Variants in MAPK10 observed in about 807,000 individuals in gnomAD.
MAPK10 encodes mitogen-activated protein kinase 10.
In MAPK10, 25 loss-of-function variants were observed where a neutral mutation model predicts 59.3. The ratio of observed to expected loss-of-function variants is 0.42; its 90% CI spans 0.31 to 0.59. The LOEUF (loss-of-function observed/expected upper bound fraction) is 0.59, where lower values mean the gene tolerates loss of function less well. MAPK10 is among the 20% of genes least tolerant of loss of function. The pLI, the probability that MAPK10 is intolerant of heterozygous loss-of-function variation, is 0.15. For synonymous variants in MAPK10, 190 were observed against 200.5 expected, an observed-to-expected ratio of 0.95 and a Z score of 0.44; for missense variants, 351 against 568.9, an observed-to-expected ratio of 0.62 and a Z score of 3.90.
At position 86,026,078 on chromosome 4, in the gene MAPK10, G is replaced by GA. The variant is rs568393792; in HGVS notation, c.1252+3118dup. On this transcript the variant is annotated intron_variant, in intron 13 of 13. Transcript: ENST00000641462. The stretch of plus-strand genomic sequence containing the variant: ...GGTGGGGAATGTGGTCCTCACTGGG[G>GA]AGAGAATGGTTGCATATTAAAATCA... 3.3e-5 allele frequency among the ~76,000 whole-genome samples: 5 copies of GA among 152,328 alleles called. 1 individual carries two copies. In the South Asian group the frequency reaches 1.0e-3, roughly 32 times the overall value.
At chr4:86,061,206 C>G (rs1003659279) in intron 11 of MAPK10, among the ~76,000 whole-genome samples, 1 of 152,268 alleles carries the variant, frequency 6.6e-6, no homozygotes, top group South Asian at 2.1e-4. Context: ...CCTAACTCAT[C>G]TTTCATACCT....
chr4:86,242,294 G>A (rs897171931), intron 2 of MAPK10, among the ~76,000 whole-genome samples: 4 of 152,146 alleles, frequency 2.6e-5, no homozygotes, highest in Non-Finnish European at 5.9e-5. Flanking sequence ...CCCATATAGA[G>A]TGTCTGACAA....
At chr4:86,118,472 T>TA (rs2058640205) in intron 4 of MAPK10, among the ~76,000 whole-genome samples, 1 of 152,118 alleles carries the variant, frequency 6.6e-6, no homozygotes, top group Non-Finnish European at 1.5e-5. Context: ...GGTTTATTCC[T>TA]AAAAGAGTGA....
intron 1 of MAPK10, among the ~76,000 whole-genome samples, chr4:86,582,811 T>C (rs1762393704): frequency 6.6e-6 from 1 of 152,206 alleles, no homozygotes; most frequent in African/African-American, 2.4e-5. Flanking sequence ...TATAAGATTT[T>C]TGCATTTTAG....
chr4:86,452,650 G>A (rs570231523), intron 1 of MAPK10, among the ~76,000 whole-genome samples: 84 of 152,138 alleles, frequency 5.5e-4, no homozygotes, highest in Non-Finnish European at 1.0e-3. Context: ...CCGAGTCAGA[G>A]ATTTTCCTGT....
At chr4:86,251,455 T>A (rs1238179449) in intron 2 of MAPK10, among the ~76,000 whole-genome samples, 1 of 145,920 alleles carries the variant, frequency 6.9e-6, no homozygotes, top group Non-Finnish European at 1.5e-5. Context: ...GATAGTTTAC[T>A]GAGAATGATG....
intron 2 of MAPK10, among the ~76,000 whole-genome samples, chr4:86,301,216 CCA>C (rs1284203822): frequency 6.6e-6 from 1 of 151,916 alleles, no homozygotes; most frequent in African/African-American, 2.4e-5. Flanking sequence ...GAAATTTTCC[CCA>C]GTTGAGAACC....
At chr4:86,323,539 G>A (rs182390904) in intron 2 of MAPK10, among the ~76,000 whole-genome samples, 23 of 152,212 alleles carry the variant, frequency 1.5e-4, no homozygotes, top group African/African-American at 4.3e-4. Context: ...TGTTTAAACC[G>A]AGTCTATCAG....
chr4:86,547,821 G>A lies in MAPK10; in HGVS notation c.-263+46089C>T, dbSNP rs916643922. Among the ~76,000 whole-genome samples, 3 of 152,300 alleles carry A rather than the reference G, an allele frequency of 2.0e-5. No individual in the cohort carries two copies. In the East Asian group the frequency reaches 5.8e-4, roughly 29 times the overall value. ...GTAAACACACCAATCAGCACCCTGT[G>A]TCTAGCTCAGGGTTTGTGAATGCAC... On this transcript the variant is annotated intron_variant, in intron 1 of 4. Transcript: ENST00000502302.
At chr4:86,548,253 G>C (rs1302973630) in intron 1 of MAPK10, among the ~76,000 whole-genome samples, 2 of 151,844 alleles carry the variant, frequency 1.3e-5, no homozygotes, top group Non-Finnish European at 2.9e-5. Flanking sequence ...TCACCACAAA[G>C]GTCCGCAGTT....
chr4:86,584,363 T>C (rs539856213), intron 1 of MAPK10, among the ~76,000 whole-genome samples: 7 of 152,212 alleles, frequency 4.6e-5, no homozygotes, highest in African/African-American at 1.7e-4. Flanking sequence ...GAGGTCTAAG[T>C]GGAAAAACAA....
chr4:86,284,852 C>T (rs2094939594), intron 2 of MAPK10, among the ~76,000 whole-genome samples: 1 of 152,066 alleles, frequency 6.6e-6, no homozygotes, highest in African/African-American at 2.4e-5. Context: ...ATTATGAATC[C>T]CTTGTGAGTA....
intron 13 of MAPK10, among the ~76,000 whole-genome samples, chr4:86,019,645 T>C: frequency 6.6e-6 from 1 of 152,184 alleles, no homozygotes; most frequent in Non-Finnish European, 1.5e-5. Flanking sequence ...ATATCCTTCA[T>C]ATTCTTTCAT....
intron 1 of MAPK10, among the ~76,000 whole-genome samples, chr4:86,555,252 G>T (rs956982114): frequency 6.6e-6 from 1 of 152,214 alleles, no homozygotes; most frequent in Middle Eastern, 3.4e-3. Flanking sequence ...TCAAGACCAG[G>T]CTGACCAATA....
chr4:86,348,138 T>C (rs532609125), intron 2 of MAPK10, among the ~76,000 whole-genome samples: 1 of 152,298 alleles, frequency 6.6e-6, no homozygotes, highest in East Asian at 1.9e-4. Context: ...GGAATTCTTA[T>C]CCATATACTT....
At chr4:86,587,127 G>A (rs1465094895) in intron 1 of MAPK10, among the ~76,000 whole-genome samples, 1 of 152,204 alleles carries the variant, frequency 6.6e-6, no homozygotes, top group Non-Finnish European at 1.5e-5. Flanking sequence ...AGGCTATCAT[G>A]TGTGGAACAT....
Position 86,225,627 on chromosome 4 carries a change from G to A in MAPK10, c.-6-31220C>T, listed in dbSNP as rs1157537380. 5.3e-5 allele frequency among the ~76,000 whole-genome samples: 8 copies of A among 152,154 alleles called. No homozygotes were observed. In the East Asian group the frequency reaches 1.5e-3, roughly 29 times the overall value. ...TCATCACACTCAGTGGTGGTCTTTG[G>A]GACCCGCCCCCCAACACATTTTCCA... On this transcript the variant is annotated intron_variant, in intron 2 of 13. Coordinates refer to ENST00000641462, the MANE Select transcript of MAPK10 (RefSeq NM_138982.4).
chr4:86,566,781 G>T (rs575464776), intron 1 of MAPK10, among the ~76,000 whole-genome samples: 1 of 151,436 alleles, frequency 6.6e-6, no homozygotes, highest in East Asian at 2.0e-4. Flanking sequence ...CTTAAGCATG[G>T]TAATCAGGCT....
chr4:86,021,879 C>G (rs1560606011), intron 13 of MAPK10, among the ~76,000 whole-genome samples: 1 of 152,258 alleles, frequency 6.6e-6, no homozygotes, highest in South Asian at 2.1e-4. Flanking sequence ...CCGGGGCCAG[C>G]AGGGCTGGCT....
Sources: gnomAD v4.1 joint callset for allele counts (sites outside exome capture counted in the v4.1 genomes callset) on GRCh38, gnomAD v4.1.1 for gene constraint, MANE v1.5 for transcripts, NCBI Gene and HGNC (gene_info 2026-07-23, HGNC 2026-07-21) for gene names.